Variants in CLYBL observed in about 807,000 individuals in gnomAD.
CLYBL encodes citramalyl-CoA lyase.
CLYBL carries 31 observed loss-of-function variants against 38.9 expected under a neutral mutation model. The observed-to-expected ratio is 0.80, with a 90% CI of 0.60 to 1.08. The LOEUF is 1.08. Among genes scored for constraint, CLYBL ranks in the 50% least tolerant of loss-of-function variants. CLYBL has a pLI of 0.00. For synonymous variants in CLYBL, 171 were observed against 158.6 expected (o/e 1.08, Z -0.59); for missense variants, 434 against 411.6 (o/e 1.05, Z -0.47).
At position 99,903,270 on chromosome 13, in the gene CLYBL, C is replaced by T. The variant is rs72656018; in HGVS notation, c.*25-2000C>T. 8.1e-3 allele frequency among the ~76,000 whole-genome samples: 1,239 copies of T among 152,320 alleles called. 11 individuals carry two copies. Among genetic ancestry groups the T allele is most frequent in the Middle Eastern group, 0.014 (4 of 294 alleles). Reference sequence around the variant, plus strand: ...ATCAGGAGCCTGCTGGCCCCATGGCCGCAGTCTGCCACCATCTGTCTTTAA... The same window carrying T: ...ATCAGGAGCCTGCTGGCCCCATGGCTGCAGTCTGCCACCATCTGTCTTTAA... On this transcript the variant is annotated intron_variant and NMD_transcript_variant, in intron 8 of 9. Transcript: ENST00000689673.
chr13:99,772,243 A>T (rs1195917543), intron 1 of CLYBL, among the ~76,000 whole-genome samples: 3 of 152,196 alleles, frequency 2.0e-5, no homozygotes, highest in Non-Finnish European at 4.4e-5. Flanking sequence ...AGTGTTTTCC[A>T]AGAAGAAATA....
chr13:99,883,779 TC>T (rs112886617), intron 7 of CLYBL, among the ~76,000 whole-genome samples: 3 of 152,220 alleles, frequency 2.0e-5, no homozygotes, highest in African/African-American at 7.2e-5. Flanking sequence ...TGTGTCCCCT[TC>T]CAGTCCCCAC....
At chr13:99,698,639 CA>C (rs1594125826) in intron 1 of CLYBL, among the ~76,000 whole-genome samples, 1 of 152,204 alleles carries the variant, frequency 6.6e-6, no homozygotes, top group Non-Finnish European at 1.5e-5. Flanking sequence ...TTTTTGCTAA[CA>C]TTTTAATCCT....
Position 99,884,798 on chromosome 13 carries a change from A to G in CLYBL, c.928-6520A>G, listed in dbSNP as rs2052305132. 2.0e-5 allele frequency among the ~76,000 whole-genome samples: 3 copies of G among 152,178 alleles called. No homozygotes were observed. In the South Asian group the frequency reaches 6.2e-4, roughly 32 times the overall value. On this transcript the variant is annotated intron_variant, in intron 7 of 8. Transcript: ENST00000339105. Reference sequence around the variant, plus strand: ...GATGGGGTGGGAGGCAGAGCCCCATATCCCTGAGACCAGCTGGGATGAAGC... The same window carrying G: ...GATGGGGTGGGAGGCAGAGCCCCATGTCCCTGAGACCAGCTGGGATGAAGC...
At chr13:99,881,083 T>TA (rs1477267806) in intron 7 of CLYBL, among the ~76,000 whole-genome samples, 1 of 152,144 alleles carries the variant, frequency 6.6e-6, no homozygotes, top group Non-Finnish European at 1.5e-5. Context: ...CCAAACCCGA[T>TA]ATTCCCACTG....
intron 2 of CLYBL, among the ~76,000 whole-genome samples, chr13:99,822,535 G>T (rs551152158): frequency 1.3e-5 from 2 of 152,302 alleles, no homozygotes; most frequent in Admixed American, 1.3e-4. Context: ...CACAATCACG[G>T]GTCACCCCAG....
intron 1 of CLYBL, among the ~76,000 whole-genome samples, chr13:99,652,828 C>T (rs374501801): frequency 9.8e-5 from 15 of 152,320 alleles, no homozygotes; most frequent in African/African-American, 3.4e-4. Flanking sequence ...AAGCTTATTG[C>T]TTCTTAAGAA....
At chr13:99,825,985 C>T (rs2050687879) in intron 2 of CLYBL, among the ~76,000 whole-genome samples, 2 of 152,216 alleles carry the variant, frequency 1.3e-5, no homozygotes, top group African/African-American at 2.4e-5. Context: ...TCGTAACTCA[C>T]ATGGTAGGCA....
At chr13:99,862,426 G>A (rs2051626813) in intron 3 of CLYBL, among the ~76,000 whole-genome samples, 1 of 152,148 alleles carries the variant, frequency 6.6e-6, no homozygotes, top group Non-Finnish European at 1.5e-5. Context: ...GAAAAAATTG[G>A]CGAGCTTTGG....
intron 1 of CLYBL, among the ~76,000 whole-genome samples, chr13:99,666,980 G>T (rs984159151): frequency 1.8e-4 from 27 of 151,214 alleles, no homozygotes; most frequent in African/African-American, 6.6e-4. Flanking sequence ...TAGAAGACGG[G>T]TCCAAATGTC....
At chr13:99,809,867 G>A (rs966617512) in intron 2 of CLYBL, among the ~76,000 whole-genome samples, 5 of 152,186 alleles carry the variant, frequency 3.3e-5, no homozygotes, top group African/African-American at 1.2e-4. Flanking sequence ...GGAACTTCAG[G>A]AGAGAAACAT....
intron 7 of CLYBL, among the ~76,000 whole-genome samples, chr13:99,885,845 G>A (rs1306409662): frequency 6.6e-6 from 1 of 152,176 alleles, no homozygotes; most frequent in Non-Finnish European, 1.5e-5. Flanking sequence ...TTCCTGAGGA[G>A]TTTCAGGGCG....
intron 1 of CLYBL, among the ~76,000 whole-genome samples, chr13:99,756,861 T>C (rs1206266271): frequency 1.3e-5 from 2 of 152,218 alleles, no homozygotes; most frequent in Non-Finnish European, 2.9e-5. Flanking sequence ...GCTTCTTTGA[T>C]TACTATTGCT....
intron 1 of CLYBL, among the ~76,000 whole-genome samples, chr13:99,719,450 A>G (rs545263343): frequency 6.6e-6 from 1 of 151,480 alleles, no homozygotes; most frequent in South Asian, 2.1e-4. Flanking sequence ...ATGTCCAGCC[A>G]AGAACCTGTT....
At chr13:99,856,513 C>G (rs9582350) in intron 2 of CLYBL, among the ~76,000 whole-genome samples, 1,605 of 152,276 alleles carry the variant, frequency 0.011, 26 homozygotes, top group African/African-American at 0.036. Flanking sequence ...TTGACAAACT[C>G]CAGCAATCTT....
chr13:99,823,944 A>T (rs1006806810), intron 2 of CLYBL, among the ~76,000 whole-genome samples: 1 of 152,112 alleles, frequency 6.6e-6, no homozygotes, highest in African/African-American at 2.4e-5. Context: ...TCTTTTGCTT[A>T]TTGGATCTCA....
chr13:99,902,360 T>C (rs1339016180), intron 8 of CLYBL, among the ~76,000 whole-genome samples: 1 of 152,222 alleles, frequency 6.6e-6, no homozygotes, highest in Non-Finnish European at 1.5e-5. Flanking sequence ...CTTTGTGTCA[T>C]ATAAGGAATT....
intron 1 of CLYBL, among the ~76,000 whole-genome samples, chr13:99,664,524 T>A (rs1401017915): frequency 6.6e-6 from 1 of 152,220 alleles, no homozygotes; most frequent in Non-Finnish European, 1.5e-5. Flanking sequence ...AAGATACCTT[T>A]GCGTAGTACT....
intron 2 of CLYBL, among the ~76,000 whole-genome samples, chr13:99,841,678 G>A (rs1283668561): frequency 4.6e-5 from 7 of 152,342 alleles, no homozygotes; most frequent in Non-Finnish European, 1.0e-4. Context: ...GGCATCACAG[G>A]CGTGAGCCAC....
Sources: allele counts gnomAD v4.1 joint callset (sites outside exome capture counted in the v4.1 genomes callset), GRCh38; gene constraint gnomAD v4.1.1; transcripts MANE v1.5; gene names NCBI Gene and HGNC (gene_info 2026-07-23, HGNC 2026-07-21).